The following HS6ST2 variants were observed in gnomAD, a reference collection of about 807,000 sequenced individuals.
The protein encoded by HS6ST2 is heparan sulfate 6-O-sulfotransferase 2, also known as heparan-sulfate 6-O-sulfotransferase 2.
In HS6ST2, 17 loss-of-function variants were observed where a neutral mutation model predicts 33.0. That is an observed-to-expected ratio of 0.52 (90% CI 0.35 to 0.77). The LOEUF is 0.77. HS6ST2 is among the 30% of genes least tolerant of loss of function. The pLI, the probability that HS6ST2 is intolerant of heterozygous loss-of-function variation, is 0.01. For missense variants in HS6ST2, 519 were observed against 551.7 expected (o/e 0.94, Z 0.59); for synonymous variants, 248 against 237.1 (o/e 1.05, Z -0.42).
At position 132,751,028 on chromosome X, in the gene HS6ST2, A is replaced by G. The variant is rs1466454024; in HGVS notation, c.948-42534T>C. Among the ~76,000 whole-genome samples the G allele has an allele frequency of 2.7e-5, 3 of 112,367 alleles. No individual in the cohort carries two copies. In the East Asian group the frequency reaches 8.4e-4, roughly 31 times the overall value. ...TAATCCAAAAAGAGAAAGGAGGCAA[A>G]TCATAGACACATGTGGTCCTGGTAG... is the stretch of plus-strand genomic sequence containing the variant. On this transcript the variant is annotated intron_variant, in intron 2 of 4. Coordinates refer to ENST00000370833, the MANE Select transcript of HS6ST2 (RefSeq NM_001394073.1).
intron 4 of HS6ST2, among the ~76,000 whole-genome samples, chrX:132,649,621 GCT>G (rs2063673718): frequency 8.9e-6 from 1 of 112,132 alleles, no homozygotes; most frequent in East Asian, 2.8e-4. Context: ...ATTTTGAGAG[GCT>G]GAAGCAGGTG....
intron 2 of HS6ST2, among the ~76,000 whole-genome samples, chrX:132,879,117 T>C (rs1017431099): frequency 8.9e-6 from 1 of 111,804 alleles, no homozygotes; most frequent in African/African-American, 3.2e-5. Flanking sequence ...AATTAGCAAG[T>C]TGGAATGCAA....
At position 132,845,849 on chromosome X, in the gene HS6ST2, C is replaced by A. The variant is rs756106815; in HGVS notation, c.947+110959G>T. On this transcript the variant is annotated intron_variant, in intron 2 of 4. Coordinates refer to ENST00000370833, the MANE Select transcript of HS6ST2 (RefSeq NM_001394073.1). ...ACGTTATTCATAAGAAGTTTATTTT[C>A]TCAGCCCCTAACAGAATAAAAGTCA... Among the ~76,000 whole-genome samples, 172 of 111,559 alleles carry A rather than the reference C, an allele frequency of 1.5e-3. 1 individual carries two copies. Among genetic ancestry groups the A allele is most frequent in the African/African-American group, 5.2e-3 (159 of 30,784 alleles).
In HS6ST2 at chrX:132,745,344, C is replaced by T. The variant is rs780823874; in HGVS notation, c.948-36850G>A. 2.0e-3 allele frequency among the ~76,000 whole-genome samples: 224 copies of T among 111,821 alleles called. 2 individuals carry two copies. The highest frequency in any genetic ancestry group is 6.6e-3 in the African/African-American group (205 of 30,833). On this transcript the variant is annotated intron_variant, in intron 2 of 4. Coordinates refer to ENST00000370833, the MANE Select transcript of HS6ST2 (RefSeq NM_001394073.1). ...AAAGGATCTGCCTGCCTTAGCCTCC[C>T]GAAGTGCTGGGATTACAGGCGTGAG...
chrX:132,943,739 C>T (rs2066912002), intron 2 of HS6ST2, among the ~76,000 whole-genome samples: 1 of 111,385 alleles, frequency 9.0e-6, no homozygotes, highest in Non-Finnish European at 1.9e-5. Context: ...AGCATATAAA[C>T]AGAACCAAAG....
intron 2 of HS6ST2, among the ~76,000 whole-genome samples, chrX:132,741,997 G>A: frequency 8.9e-6 from 1 of 112,210 alleles, no homozygotes; most frequent in Non-Finnish European, 1.9e-5. Context: ...ACAAGACACA[G>A]TCATTGGTAG....
In HS6ST2 at chrX:132,911,648, T is replaced by C. The variant is rs1432356525; in HGVS notation, c.947+45160A>G. Among the ~76,000 whole-genome samples the C allele has an allele frequency of 2.5e-4, 24 of 94,711 alleles. No individual in the cohort carries two copies. The Admixed American group carries it at 2.7e-3, about 11-fold the overall frequency. The allele number at this position is 94,711 out of a possible 115,157, so 82.2% of individuals were successfully genotyped here. A position where few individuals can be genotyped will look rare whatever the true frequency, so the allele number is the denominator to read the frequency against. Reference sequence around the variant, plus strand: ...TCGTGAGCACACACTCTTTTTTTTTTTTTTTTTTGAGACGGAGTCTCGCTC... The same window carrying C: ...TCGTGAGCACACACTCTTTTTTTTTCTTTTTTTTGAGACGGAGTCTCGCTC... On this transcript the variant is annotated intron_variant, in intron 2 of 4. Coordinates refer to ENST00000370833, the MANE Select transcript of HS6ST2 (RefSeq NM_001394073.1).
intron 2 of HS6ST2, among the ~76,000 whole-genome samples, chrX:132,806,743 CT>C (rs760526972): frequency 0.014 from 1,564 of 110,140 alleles, 31 homozygotes; most frequent in African/African-American, 0.048. Context: ...TTTTTTCAAC[CT>C]TTTAAAAATA....
rs948347533 is a variant in HS6ST2 at position 132,637,631 on chromosome X, T to C, written c.1068-8538A>G. 5.0e-5 allele frequency among the ~76,000 whole-genome samples: 5 copies of C among 100,624 alleles called. No individual in the cohort carries two copies. In the East Asian group the frequency reaches 1.2e-3, roughly 25 times the overall value. The allele number at this position is 100,624 out of a possible 115,157, so 87.4% of individuals were successfully genotyped here. The stretch of plus-strand genomic sequence containing the variant: ...AGAAAACCCGTAGCAGTTAAGGTCA[T>C]AGGAGTGATCAATAAAAAGTTAATT... On this transcript the variant is annotated intron_variant, in intron 4 of 4. Coordinates refer to ENST00000370833, the MANE Select transcript of HS6ST2 (RefSeq NM_001394073.1).
In HS6ST2 at chrX:132,650,991, C is replaced by T. The variant is rs142014295; in HGVS notation, c.1067+18122G>A. 3.7e-3 allele frequency among the ~76,000 whole-genome samples: 409 copies of T among 111,158 alleles called. 1 individual carries two copies. Among genetic ancestry groups the T allele is most frequent in the African/African-American group, 0.013 (387 of 30,483 alleles). On this transcript the variant is annotated intron_variant, in intron 4 of 4. Transcript: ENST00000370833. ...CTATGTTGCCCAGGCTTGTCTTGAA[C>T]TCCTGGTCTCAAATTATCCTCCCAC...
intron 2 of HS6ST2, among the ~76,000 whole-genome samples, chrX:132,709,570 A>G (rs1016532685): frequency 9.0e-6 from 1 of 110,981 alleles, no homozygotes; most frequent in Non-Finnish European, 1.9e-5. Flanking sequence ...CATGAGAAAC[A>G]AAAGCGATAT....
At chrX:132,958,680 G>T, upstream of HS6ST2, 1 of 941,197 alleles carries the variant, frequency 1.1e-6, no homozygotes, top group Non-Finnish European at 1.4e-6. Flanking sequence ...ACGCCTAAGA[G>T]CTCGAGCCAC....
At chrX:132,786,556 C>T (rs1394942484) in intron 2 of HS6ST2, among the ~76,000 whole-genome samples, 2 of 111,408 alleles carry the variant, frequency 1.8e-5, no homozygotes, top group Non-Finnish European at 3.8e-5. Flanking sequence ...TTTTGCCATC[C>T]TCAAAGCTGC....
chrX:132,760,618 G>A (rs1008237941), intron 2 of HS6ST2, among the ~76,000 whole-genome samples: 1 of 111,861 alleles, frequency 8.9e-6, no homozygotes, highest in Non-Finnish European at 1.9e-5. Flanking sequence ...GCAAAGAAAA[G>A]TTTTAGCAAG....
At position 132,811,685 on chromosome X, in the gene HS6ST2, AATATATATATATATATATAT is replaced by A. The variant is rs56390608; in HGVS notation, c.948-103211_948-103192del. On this transcript the variant is annotated intron_variant, in intron 2 of 4. Coordinates refer to ENST00000370833, the MANE Select transcript of HS6ST2 (RefSeq NM_001394073.1). ...CAGAACTTTGTTTTAAAGGCTGAAT[AATATATATATATATATATAT>A]ATATATATATATATATATATCACAT... Among the ~76,000 whole-genome samples the A allele has an allele frequency of 0.014, 432 of 29,808 alleles. 8 individuals are homozygous for A. The South Asian group carries it at 0.26, about 18-fold the overall frequency. The allele number at this position is 29,808 out of a possible 115,157, so 25.9% of individuals were successfully genotyped here. A position where few individuals can be genotyped will look rare whatever the true frequency, so the allele number is the denominator to read the frequency against.
rs940628084 is a variant in HS6ST2, at chrX:132,628,928, A to G, written c.1233T>C (p.Ser411=). 4 of 1,209,843 alleles carry G rather than the reference A, an allele frequency of 3.3e-6. No homozygotes were observed. The Admixed American group carries it at 6.6e-5, about 20-fold the overall frequency. ...CCATAAACTCTTTGAGGGGGCAGCC[A>G]GACCAGTCATCGCCAGTGTAGCAGC... is the stretch of plus-strand genomic sequence containing the variant. The part of the protein sequence containing the change: ...LPSCYTGDDW[S]GCPLKEFMDC... The change falls in exon 5 of 5, where the codon TCT becomes TCC. Residue 411 remains serine, a synonymous_variant. Transcript: ENST00000370833.
chrX:132,675,869 C>A (rs908144451), intron 3 of HS6ST2, among the ~76,000 whole-genome samples: 1 of 109,975 alleles, frequency 9.1e-6, no homozygotes, highest in African/African-American at 3.3e-5. Context: ...AGTCTCTGCA[C>A]GTGTCTCACT....
At chrX:132,747,091 AG>A (rs1342010563) in intron 2 of HS6ST2, among the ~76,000 whole-genome samples, 4 of 112,253 alleles carry the variant, frequency 3.6e-5, no homozygotes, top group African/African-American at 1.3e-4. Flanking sequence ...AGAAGTTCAA[AG>A]CCCAGAGAAA....
At chrX:132,725,814 T>C (rs1028343199) in intron 2 of HS6ST2, among the ~76,000 whole-genome samples, 3 of 111,845 alleles carry the variant, frequency 2.7e-5, no homozygotes, top group African/African-American at 9.8e-5. Context: ...TTATATACAA[T>C]GGAGTACTAT....
Sources: gnomAD v4.1 joint callset for allele counts (sites outside exome capture counted in the v4.1 genomes callset) on GRCh38, gnomAD v4.1.1 for gene constraint, MANE v1.5 for transcripts, NCBI Gene and HGNC (gene_info 2026-07-23, HGNC 2026-07-21) for gene names.